Variants in EPM2A observed in about 807,000 individuals in gnomAD.
EPM2A encodes laforin.
A neutral mutation model predicts 26.5 loss-of-function variants in EPM2A; 21 were observed. The ratio of observed to expected loss-of-function variants is 0.79; its 90% CI spans 0.56 to 1.14. The LOEUF is 1.14. Among genes scored for constraint, EPM2A ranks in the 50% most tolerant of loss-of-function variants. The probability of loss-of-function intolerance (pLI) is 0.00; values close to 1 mark genes in which losing one functional copy is unlikely to be tolerated. For missense variants in EPM2A, 458 were observed against 440.8 expected, an observed-to-expected ratio of 1.04 and a Z score of -0.35; for synonymous variants, 217 against 177.6, an observed-to-expected ratio of 1.22 and a Z score of -1.76.
At chr6:145,707,403 T>C (rs1782283749) in intron 1 of EPM2A, among the ~76,000 whole-genome samples, 1 of 152,320 alleles carries the variant, frequency 6.6e-6, no homozygotes, top group Admixed American at 6.5e-5. Flanking sequence ...ACTTATTTTA[T>C]AGGAACTAGG....
chr6:145,661,740 T>A (rs1011901182), intron 2 of EPM2A, among the ~76,000 whole-genome samples: 2 of 152,222 alleles, frequency 1.3e-5, no homozygotes, highest in Admixed American at 6.5e-5. Flanking sequence ...TATTCCTTCT[T>A]AATTCACAGT....
chr6:145,501,800 T>A (rs372053678), exon 4 of EPM2A: 140 of 471,158 alleles, frequency 3.0e-4, no homozygotes, highest in African/African-American at 2.5e-3. Context: ...AGGGAGATAT[T>A]TGTGTCTTAC....
chr6:145,403,343 C>G (rs1474933225), intron 4 of EPM2A, among the ~76,000 whole-genome samples: 1 of 124,148 alleles, frequency 8.1e-6, no homozygotes, highest in Non-Finnish European at 1.8e-5. Flanking sequence ...TTCATTCTTT[C>G]TAACTATTTT....
intron 3 of EPM2A, chr6:145,629,555 C>G (rs1458266459): frequency 3.3e-5 from 5 of 152,428 alleles, no homozygotes; most frequent in African/African-American, 1.2e-4. Context: ...GGACCAAAAC[C>G]TCCAATGTAT....
At chr6:145,574,327 C>A (rs1753213278) in intron 2 of EPM2A, among the ~76,000 whole-genome samples, 1 of 152,178 alleles carries the variant, frequency 6.6e-6, no homozygotes, top group Non-Finnish European at 1.5e-5. Context: ...ATGAGTCAGA[C>A]TATTCTGATT....
chr6:145,542,851 T>C (rs942114297), intron 2 of EPM2A, among the ~76,000 whole-genome samples: 5 of 152,142 alleles, frequency 3.3e-5, no homozygotes, highest in African/African-American at 1.2e-4. Flanking sequence ...CTCTGCCTCC[T>C]GGGTTCAAGT....
intron 4 of EPM2A, among the ~76,000 whole-genome samples, chr6:145,472,193 A>C (rs1283267806): frequency 1.3e-5 from 2 of 151,620 alleles, no homozygotes; most frequent in Non-Finnish European, 2.9e-5. Context: ...GAAGGAAAAG[A>C]CCCAGTCCTG....
intron 2 of EPM2A, among the ~76,000 whole-genome samples, chr6:145,655,268 T>A (rs911378531): frequency 2.6e-5 from 4 of 152,016 alleles, no homozygotes; most frequent in African/African-American, 9.7e-5. Context: ...TGCCCAAATG[T>A]CTATTGTGGT....
intron 2 of EPM2A, among the ~76,000 whole-genome samples, chr6:145,578,238 A>T (rs1562389554): frequency 6.6e-6 from 1 of 152,116 alleles, no homozygotes; most frequent in Non-Finnish European, 1.5e-5. Flanking sequence ...TAAATATAAA[A>T]GTTTAATGGA....
chr6:145,416,232 T>G (rs1257206846), intron 4 of EPM2A, among the ~76,000 whole-genome samples: 1 of 143,492 alleles, frequency 7.0e-6, no homozygotes, highest in Non-Finnish European at 1.5e-5. Flanking sequence ...AGGCTATGCA[T>G]CTTTTTCAAA....
At chr6:145,426,045 CTT>C (rs1156406940) in intron 4 of EPM2A, among the ~76,000 whole-genome samples, 1 of 152,176 alleles carries the variant, frequency 6.6e-6, no homozygotes, top group East Asian at 1.9e-4. Flanking sequence ...TATGAATAAA[CTT>C]TGTAAAAATA....
chr6:145,493,583 C>T (rs796490544), intron 4 of EPM2A, among the ~76,000 whole-genome samples: 9 of 152,236 alleles, frequency 5.9e-5, no homozygotes, highest in African/African-American at 2.2e-4. Flanking sequence ...CAGGTGAGTG[C>T]TTATAGCTTT....
intron 2 of EPM2A, among the ~76,000 whole-genome samples, chr6:145,645,606 CTT>C (rs112139648): frequency 6.8e-6 from 1 of 147,086 alleles, no homozygotes; most frequent in African/African-American, 2.5e-5. Flanking sequence ...TCCTGGCAAA[CTT>C]TTTTTTTTTT....
At chr6:145,656,813 A>T (rs1332667954) in intron 2 of EPM2A, among the ~76,000 whole-genome samples, 1 of 152,190 alleles carries the variant, frequency 6.6e-6, no homozygotes, top group African/African-American at 2.4e-5. Flanking sequence ...TGCTGGAAAA[A>T]TTCTTGATTT....
chr6:145,682,704 A>T (rs1305940520), intron 2 of EPM2A: 1 of 152,162 alleles, frequency 6.6e-6, no homozygotes, highest in Non-Finnish European at 1.5e-5. Context: ...AAATGAAGTT[A>T]CCATTTATCT....
At chr6:145,541,813 G>A (rs376257) in intron 2 of EPM2A, among the ~76,000 whole-genome samples, 54,251 of 151,886 alleles carry the variant, frequency 0.36, 10,195 homozygotes, top group South Asian at 0.51. Flanking sequence ...ACAGGAATCC[G>A]CCCAAATGAC....
At chr6:145,677,822 A>T (rs1278995749) in intron 2 of EPM2A, among the ~76,000 whole-genome samples, 1 of 152,248 alleles carries the variant, frequency 6.6e-6, no homozygotes, top group Non-Finnish European at 1.5e-5. Context: ...ATGGATAGGA[A>T]GAATCAATAT....
At chr6:145,657,678 G>T (rs1339241694) in intron 2 of EPM2A, among the ~76,000 whole-genome samples, 1 of 152,072 alleles carries the variant, frequency 6.6e-6, no homozygotes, top group Non-Finnish European at 1.5e-5. Flanking sequence ...AACCTCTTTG[G>T]TCAGTGGTGG....
chr6:145,511,338 T>C (rs532276408), intron 2 of EPM2A, among the ~76,000 whole-genome samples: 4 of 152,210 alleles, frequency 2.6e-5, no homozygotes, highest in East Asian at 3.9e-4. Flanking sequence ...CTAATGAACA[T>C]AGGCACAAAA....
Sources: allele counts gnomAD v4.1 joint callset (sites outside exome capture counted in the v4.1 genomes callset), GRCh38; gene constraint gnomAD v4.1.1; transcripts MANE v1.5; gene names NCBI Gene and HGNC (gene_info 2026-07-23, HGNC 2026-07-21).